The following SLTM variants were observed in gnomAD, a reference collection of about 807,000 sequenced individuals.
SLTM encodes the protein SAFB like transcription modulator.
A neutral mutation model predicts 134.6 loss-of-function variants in SLTM; 43 were observed. The ratio of observed to expected loss-of-function variants is 0.32; its 90% confidence interval spans 0.25 to 0.41. The LOEUF is 0.41. SLTM is among the 10% of genes least tolerant of loss of function. The pLI is 1.00. For missense variants in SLTM, 1,055 were observed against 1,288.8 expected (o/e 0.82, Z 2.78); for synonymous variants, 424 against 432.3 (o/e 0.98, Z 0.24).
chr15:58,894,596 CT>C lies in SLTM; in HGVS notation c.1228-15del, dbSNP rs1767722520. ...TGCACTCAGAACCTATAAAATCAGA[CT>C]GTACTTTAGAGAGTTTTACAACGTT... On this transcript the variant is annotated splice_polypyrimidine_tract_variant and intron_variant, in intron 9 of 20. Coordinates refer to ENST00000380516, the MANE Select transcript of SLTM (RefSeq NM_024755.4). 1.9e-6 allele frequency: 3 copies of C among 1,613,752 alleles called. No homozygotes were observed. Among genetic ancestry groups the C allele is most frequent in the Non-Finnish European group, 2.5e-6 (3 of 1,179,784 alleles).
chr15:58,915,847 A>G (rs977684691), intron 3 of SLTM, among the ~76,000 whole-genome samples: 7 of 152,186 alleles, frequency 4.6e-5, no homozygotes, highest in Non-Finnish European at 7.3e-5. Context: ...TTTTACCCAG[A>G]AAACAGAATA....
chr15:58,893,493 A>T (rs2034829746), intron 12 of SLTM, 129 bp from the exon 13 acceptor site: 6 of 674,036 alleles, frequency 8.9e-6, no homozygotes, highest in Non-Finnish European at 1.5e-5. Flanking sequence ...TTATTCTACA[A>T]GAACTTCAAT....
intron 19 of SLTM, 68 bp downstream of exon 19, chr15:58,886,906 TC>T: frequency 1.3e-6 from 2 of 1,587,324 alleles, no homozygotes; most frequent in Non-Finnish European, 1.7e-6. Context: ...CTACTGTATA[TC>T]CAGAGTAGCT....
At chr15:58,932,970 T>C (rs1432459259) in intron 1 of SLTM, among the ~76,000 whole-genome samples, 1 of 152,170 alleles carries the variant, frequency 6.6e-6, no homozygotes, top group Non-Finnish European at 1.5e-5. Context: ...GAAGAAACGG[T>C]TGGGCACAAT....
At chr15:58,933,218 CGGGGCGG>C in intron 1 of SLTM, among the ~76,000 whole-genome samples, 179 bp downstream of exon 1, 1 of 151,638 alleles carries the variant, frequency 6.6e-6, no homozygotes, top group African/African-American at 2.4e-5. Context: ...GCCCGGGGCG[CGGGGCGG>C]GGGCACCGCG....
chr15:58,897,312 A>G, intron 8 of SLTM, 79 bp from the exon 9 acceptor site: 1 of 796,762 alleles, frequency 1.3e-6, no homozygotes. Flanking sequence ...ACATTCTTTC[A>G]AAACTATAAT....
In SLTM at chr15:58,887,276, G is replaced by A. The variant is rs745841686; in HGVS notation, c.2640C>T (p.Pro880=). The A allele has an allele frequency of 3.7e-6, 6 of 1,614,152 alleles. No homozygotes were observed. The highest frequency in any genetic ancestry group is 3.3e-5 in the South Asian group (3 of 91,078). Residue 880 remains proline (P), a synonymous_variant, in exon 18 of 21, where the codon CCC becomes CCT. Coordinates refer to ENST00000380516, the MANE Select transcript of SLTM (RefSeq NM_024755.4). ...TGCTTCCTTCACTTTTCCAGCTGGT[G>A]GGTCTGGAAGGATTGGGCCCTGCCT... ...PREAGPNPSR[P]TSWKSEGSMS...
At chr15:58,920,676 C>T (rs1252046859) in intron 2 of SLTM, among the ~76,000 whole-genome samples, 12 of 137,780 alleles carry the variant, frequency 8.7e-5, no homozygotes, top group Non-Finnish European at 1.6e-4. Flanking sequence ...AATTTTTTGG[C>T]TGGGCGTGGT....
chr15:58,885,848 T>C (rs934868443), intron 19 of SLTM, among the ~76,000 whole-genome samples: 1 of 151,574 alleles, frequency 6.6e-6, no homozygotes, highest in African/African-American at 2.4e-5. Flanking sequence ...TGTATTAAAA[T>C]ACAAAACAAA....
At chr15:58,921,832 G>A (rs1378708452) in intron 2 of SLTM, among the ~76,000 whole-genome samples, 1 of 151,932 alleles carries the variant, frequency 6.6e-6, no homozygotes, top group Non-Finnish European at 1.5e-5. Context: ...CTGAAGTGTA[G>A]TGGCATGATC....
At chr15:58,912,516 C>T in intron 5 of SLTM, 47 bp downstream of exon 5, 1 of 1,485,316 alleles carries the variant, frequency 6.7e-7, no homozygotes, top group South Asian at 1.1e-5. Flanking sequence ...CTTTTCCAAG[C>T]CCGTCCACCC....
At chr15:58,895,322 A>C (rs1178013967) in intron 9 of SLTM, among the ~76,000 whole-genome samples, 1 of 152,222 alleles carries the variant, frequency 6.6e-6, no homozygotes, top group Non-Finnish European at 1.5e-5. Context: ...GGACTTAAAA[A>C]TGCATCCCCC....
At chr15:58,896,590 CTT>C (rs1248197169) in intron 9 of SLTM, among the ~76,000 whole-genome samples, 1 of 151,908 alleles carries the variant, frequency 6.6e-6, no homozygotes, top group South Asian at 2.1e-4. Context: ...TATATATAAA[CTT>C]AATGTAGATA....
Position 58,899,607 on chromosome 15 carries a change from T to C in SLTM, c.920A>G (p.Lys307Arg). 6.2e-7 allele frequency: 1 copy of C among 1,614,216 alleles called. No individual in the cohort carries two copies. The highest frequency in any genetic ancestry group is 1.3e-5 in the African/African-American group (1 of 75,058). Residue 307 changes from lysine to arginine, a missense_variant, in exon 7 of 21, where the codon AAG becomes AGG. Physicochemically the swap from Lys to Arg is conservative, Grantham distance 26. Coordinates refer to ENST00000380516, the MANE Select transcript of SLTM (RefSeq NM_024755.4). This position sits in a 1 kb window ranked among gnomAD's most constrained non-coding sequence, Gnocchi z 5.0. Reference sequence around the variant, plus strand: ...GTCACCCTTCACGCAGTCTTCCTTCTTACCATCTTTATGGTTCGCATTCAT... The same window carrying C: ...GTCACCCTTCACGCAGTCTTCCTTCCTACCATCTTTATGGTTCGCATTCAT... ...YEMNANHKDG[K>R]KEDCVKGDPV...
At chr15:58,908,048 ATTTC>A (rs1477206589) in intron 5 of SLTM, among the ~76,000 whole-genome samples, 8 of 84,328 alleles carry the variant, frequency 9.5e-5, no homozygotes, top group African/African-American at 5.0e-5. Context: ...CATATACATA[ATTTC>A]TTTTTCTTTC....
At chr15:58,889,893 A>T (rs2034525412) in intron 15 of SLTM, 1 of 346,108 alleles carries the variant, frequency 2.9e-6, no homozygotes, top group Non-Finnish European at 5.3e-6. Context: ...CCTGAGGTGC[A>T]ATTCTGCAAA....
intron 20 of SLTM, among the ~76,000 whole-genome samples, chr15:58,882,829 TC>T (rs1463257175): frequency 1.3e-5 from 2 of 152,208 alleles, no homozygotes; most frequent in Non-Finnish European, 2.9e-5. Context: ...AAGGGCCACA[TC>T]CGACCTCAGT....
chr15:58,911,793 C>T (rs2036289222), intron 5 of SLTM, among the ~76,000 whole-genome samples: 1 of 152,174 alleles, frequency 6.6e-6, no homozygotes, highest in Non-Finnish European at 1.5e-5. Flanking sequence ...CAGTCATTTT[C>T]AATACACACA....
Position 58,889,432 on chromosome 15 carries a change from A to G in SLTM, c.2202T>C (p.His734=), listed in dbSNP as rs749695962. The change falls in exon 16 of 21, where the codon CAT becomes CAC. Residue 734 remains histidine (H), a splice_region_variant and synonymous_variant. Coordinates refer to ENST00000380516, the MANE Select transcript of SLTM (RefSeq NM_024755.4). ...TAAGGAATAAAATGAGTAACTACCT[A>G]TGATCTACATCACGTGGGCGTTTCA... ...NSLKRPRDVD[H]RRDDPYWSEN... is the part of the protein sequence containing the mutation. 2.5e-6 allele frequency: 4 copies of G among 1,613,806 alleles called. No individual in the cohort carries two copies. The highest frequency in any genetic ancestry group is 1.6e-4 in the Middle Eastern group (1 of 6,062).
Sources: gnomAD v4.1 joint callset for allele counts (sites outside exome capture counted in the v4.1 genomes callset) on GRCh38, gnomAD v4.1.1 for gene constraint, Gnocchi (gnomAD v3.1) non-coding constraint, MANE v1.5 for transcripts, NCBI Gene and HGNC (gene_info 2026-07-23, HGNC 2026-07-21) for gene names.